Variants in ACBD6 observed in about 807,000 individuals in gnomAD.
The protein encoded by ACBD6 is acyl-CoA-binding domain-containing protein 6.
ACBD6 carries 28 observed loss-of-function variants against 37.2 expected under a neutral mutation model. The observed-to-expected ratio is 0.75, with a 90% CI of 0.56 to 1.03. The LOEUF is 1.03. ACBD6 is among the 50% of genes least tolerant of loss of function. The probability of loss-of-function intolerance (pLI) is 0.00; values close to 1 mark genes in which losing one functional copy is unlikely to be tolerated. For synonymous variants in ACBD6, 113 were observed against 126.8 expected (o/e 0.89, Z 0.73); for missense variants, 340 against 337.4 (o/e 1.01, Z -0.06).
chr1:180,357,779 T>C (rs892187902), intron 6 of ACBD6, among the ~76,000 whole-genome samples: 3 of 152,184 alleles, frequency 2.0e-5, no homozygotes, highest in East Asian at 1.9e-4. Context: ...ACAGTGTGCA[T>C]GAAGAAGCAG....
chr1:180,317,338 G>A (rs1307248160), intron 6 of ACBD6, among the ~76,000 whole-genome samples: 1 of 152,160 alleles, frequency 6.6e-6, no homozygotes, highest in Non-Finnish European at 1.5e-5. Context: ...GGTTACCAGG[G>A]GCAGGGAGGA....
At chr1:180,460,300 G>T (rs1466406431) in intron 3 of ACBD6, among the ~76,000 whole-genome samples, 1 of 152,112 alleles carries the variant, frequency 6.6e-6, no homozygotes, top group Non-Finnish European at 1.5e-5. Flanking sequence ...CCCGGCGTAG[G>T]GGCAGGCTGC....
intron 6 of ACBD6, among the ~76,000 whole-genome samples, chr1:180,335,154 C>G (rs1182206582): frequency 6.6e-6 from 1 of 152,118 alleles, no homozygotes; most frequent in African/African-American, 2.4e-5. Flanking sequence ...TCAGGAAATA[C>G]AGAGAATGCC....
At chr1:180,334,990 T>G (rs992820525) in intron 6 of ACBD6, among the ~76,000 whole-genome samples, 2 of 152,076 alleles carry the variant, frequency 1.3e-5, no homozygotes, top group Admixed American at 1.3e-4. Context: ...GAACAAAGCC[T>G]CCAAGAAATA....
At chr1:180,481,210 G>C (rs556811841) in intron 3 of ACBD6, among the ~76,000 whole-genome samples, 1 of 150,676 alleles carries the variant, frequency 6.6e-6, no homozygotes, top group Non-Finnish European at 1.5e-5. Context: ...ATTCATTTAT[G>C]TTAATGGCTT....
chr1:180,405,256 A>G (rs986815074), intron 5 of ACBD6, among the ~76,000 whole-genome samples: 4 of 125,102 alleles, frequency 3.2e-5, no homozygotes, highest in African/African-American at 1.3e-4. Context: ...GCAGTTTCTC[A>G]AGCCAAAAGC....
chr1:180,370,114 C>G (rs1653201495), intron 6 of ACBD6, among the ~76,000 whole-genome samples: 4 of 152,004 alleles, frequency 2.6e-5, no homozygotes, highest in Non-Finnish European at 5.9e-5. Flanking sequence ...TATCAAAGTC[C>G]CTATTCTCAA....
At chr1:180,342,974 TTA>T (rs1454803395) in intron 6 of ACBD6, among the ~76,000 whole-genome samples, 2 of 152,200 alleles carry the variant, frequency 1.3e-5, no homozygotes, top group South Asian at 2.1e-4. Flanking sequence ...TCATGATTAT[TTA>T]TGTTTTTCCC....
At chr1:180,391,325 A>C (rs1437315852) in intron 6 of ACBD6, among the ~76,000 whole-genome samples, 2 of 152,172 alleles carry the variant, frequency 1.3e-5, no homozygotes, top group African/African-American at 4.8e-5. Context: ...AAAATTTAAA[A>C]CTTTTATGTT....
intron 3 of ACBD6, among the ~76,000 whole-genome samples, chr1:180,480,362 A>C (rs1650980687): frequency 1.3e-5 from 2 of 152,240 alleles, no homozygotes; most frequent in Admixed American, 1.3e-4. Flanking sequence ...ATTACTTAAA[A>C]GATAAAATTA....
chr1:180,424,235 A>G (rs1219245292), intron 4 of ACBD6, among the ~76,000 whole-genome samples: 2 of 152,148 alleles, frequency 1.3e-5, no homozygotes, highest in Non-Finnish European at 2.9e-5. Flanking sequence ...TGTAAAAAAA[A>G]GAATATTAAT....
chr1:180,307,371 G>A lies in ACBD6; in HGVS notation c.694+7321C>T, dbSNP rs559468360. 6.6e-5 allele frequency among the ~76,000 whole-genome samples: 10 copies of A among 152,282 alleles called. No homozygotes were observed. In the South Asian group the frequency reaches 2.1e-3, roughly 32 times the overall value. On this transcript the variant is annotated intron_variant, in intron 7 of 7. Transcript: ENST00000367595. ...ACAAGAGGCTGGGAAGGGTTGTAGG[G>A]ACATGAGGGCGGAAATGGGGATGGT... is the stretch of plus-strand genomic sequence containing the variant.
intron 6 of ACBD6, among the ~76,000 whole-genome samples, chr1:180,351,440 T>A (rs1652415475): frequency 6.6e-6 from 1 of 152,110 alleles, no homozygotes; most frequent in Admixed American, 6.5e-5. Context: ...CATGCCTGGC[T>A]AATTTTTTGT....
intron 3 of ACBD6, among the ~76,000 whole-genome samples, chr1:180,459,008 A>G (rs754266035): frequency 6.6e-6 from 1 of 152,190 alleles, no homozygotes; most frequent in Non-Finnish European, 1.5e-5. Context: ...AAGTTTTATT[A>G]GAACCTCAAA....
chr1:180,307,224 G>GTCA lies in ACBD6; in HGVS notation c.694+7465_694+7467dup, dbSNP rs555359605. On this transcript the variant is annotated intron_variant, in intron 7 of 7. Coordinates refer to ENST00000367595, the MANE Select transcript of ACBD6 (RefSeq NM_032360.4). ...CTGCAACAACATAGATGGACTGGAG[G>GTCA]TCATTATGTTAAGTGAAATATGCCA... Among the ~76,000 whole-genome samples the GTCA allele has an allele frequency of 2.5e-3, 378 of 152,294 alleles. 3 individuals are homozygous for GTCA. The highest frequency in any genetic ancestry group is 6.8e-3 in the Middle Eastern group (2 of 294).
intron 7 of ACBD6, among the ~76,000 whole-genome samples, chr1:180,301,227 A>G (rs1302133919): frequency 6.6e-6 from 1 of 152,190 alleles, no homozygotes. Flanking sequence ...AAATGCACAC[A>G]GAAGAGTACC....
At chr1:180,459,967 C>CTTTTTTTTTTT (rs67323272) in intron 3 of ACBD6, among the ~76,000 whole-genome samples, 9 of 107,972 alleles carry the variant, frequency 8.3e-5, no homozygotes, top group Admixed American at 9.7e-5. Flanking sequence ...CAGACTGCTT[C>CTTTTTTTTTTT]TTTTTTTTTT....
chr1:180,384,959 T>C (rs1453379760), intron 6 of ACBD6, among the ~76,000 whole-genome samples: 1 of 152,030 alleles, frequency 6.6e-6, no homozygotes, highest in Non-Finnish European at 1.5e-5. Context: ...GTTGATCTCA[T>C]GAAGGTAGTG....
chr1:180,294,683 A>G (rs563967401), intron 7 of ACBD6, among the ~76,000 whole-genome samples: 10 of 151,220 alleles, frequency 6.6e-5, no homozygotes, highest in Non-Finnish European at 1.5e-4. Context: ...CATTCCTGAA[A>G]CTGGTAATTT....
Sources: gnomAD v4.1 joint callset for allele counts (sites outside exome capture counted in the v4.1 genomes callset) on GRCh38, gnomAD v4.1.1 for gene constraint, MANE v1.5 for transcripts, NCBI Gene and HGNC (gene_info 2026-07-23, HGNC 2026-07-21) for gene names.